The following RSRC1 variants were observed in gnomAD, a reference collection of about 807,000 sequenced individuals.
RSRC1 encodes the protein serine/Arginine-related protein 53.
Under a neutral mutation model 49.1 loss-of-function variants are expected in RSRC1, and 39 were observed. That is an observed-to-expected ratio of 0.79 (90% CI 0.61 to 1.04). The LOEUF is 1.04. Ranked by LOEUF, RSRC1 falls within the 50% of genes least tolerant of loss-of-function variation. The probability of loss-of-function intolerance (pLI) is 0.00; values close to 1 mark genes in which losing one functional copy is unlikely to be tolerated. For missense variants in RSRC1, 388 were observed against 402.4 expected, an observed-to-expected ratio of 0.96 and a Z score of 0.31; for synonymous variants, 143 against 130.8, an observed-to-expected ratio of 1.09 and a Z score of -0.63.
intron 6 of RSRC1, among the ~76,000 whole-genome samples, chr3:158,422,047 G>A (rs1322126664): frequency 7.2e-5 from 10 of 139,480 alleles, no homozygotes; most frequent in East Asian, 6.4e-4. Flanking sequence ...AAACTAAGTC[G>A]GGAGAAGTTT....
intron 4 of RSRC1, among the ~76,000 whole-genome samples, chr3:158,228,942 AT>A (rs1296878622): frequency 6.9e-6 from 1 of 144,172 alleles, no homozygotes; most frequent in African/African-American, 2.6e-5. Flanking sequence ...ACATACGTGT[AT>A]ATGTGTGTAT....
intron 7 of RSRC1, among the ~76,000 whole-genome samples, chr3:158,510,864 T>C (rs1463758936): frequency 2.0e-5 from 3 of 152,190 alleles, no homozygotes; most frequent in Non-Finnish European, 4.4e-5. Context: ...TTCTTCCATA[T>C]GAATCAGTTT....
At chr3:158,413,894 A>C (rs868163018) in intron 6 of RSRC1, among the ~76,000 whole-genome samples, 2 of 152,206 alleles carry the variant, frequency 1.3e-5, no homozygotes, top group Non-Finnish European at 2.9e-5. Context: ...GTGGGAATGT[A>C]AATTAGTTCA....
At chr3:158,236,257 A>T (rs1723245148) in intron 4 of RSRC1, among the ~76,000 whole-genome samples, 1 of 152,118 alleles carries the variant, frequency 6.6e-6, no homozygotes, top group East Asian at 1.9e-4. Flanking sequence ...TACCCTTCTC[A>T]TTTGTTATTT....
In RSRC1 at chr3:158,487,949, G is replaced by GAAAAAAA. The variant is rs58689210; in HGVS notation, c.652+26965_652+26971dup. Among the ~76,000 whole-genome samples the GAAAAAAA allele has an allele frequency of 5.1e-3, 146 of 28,910 alleles. 6 individuals carry two copies. Among genetic ancestry groups the GAAAAAAA allele is most frequent in the African/African-American group, 8.4e-3 (63 of 7,480 alleles). 19.0% of individuals were successfully genotyped at this position (28,910 alleles called of 152,430 possible). On this transcript the variant is annotated intron_variant, in intron 7 of 9. Coordinates refer to ENST00000611884, the MANE Select transcript of RSRC1 (RefSeq NM_001271838.2). ...TAGGAGACAAGAGACTCCATCTCAA[G>GAAAAAAA]AAAAAAAAAAAAAAAAAAAAAAAAA...
chr3:158,457,102 T>A (rs1185559896), intron 6 of RSRC1, among the ~76,000 whole-genome samples: 4 of 152,200 alleles, frequency 2.6e-5, no homozygotes, highest in African/African-American at 9.7e-5. Context: ...CTAAACATGT[T>A]CCTCATTCTG....
intron 7 of RSRC1, among the ~76,000 whole-genome samples, chr3:158,476,327 T>A (rs1738366102): frequency 6.6e-6 from 1 of 152,196 alleles, no homozygotes; most frequent in Non-Finnish European, 1.5e-5. Flanking sequence ...AAGGCAGCTA[T>A]GCTAAACAAC....
chr3:158,350,400 G>T (rs1730807290), intron 5 of RSRC1, among the ~76,000 whole-genome samples: 2 of 150,912 alleles, frequency 1.3e-5, no homozygotes, highest in Admixed American at 1.3e-4. Context: ...TCTCGAACTT[G>T]TGAGCTCAAG....
rs141560483 is a variant in RSRC1 at position 158,112,946 on chromosome 3, C to T, written c.-3+2723C>T. ...TTGATGAGTATAATGGCTTCCAGCT[C>T]CATCCATGTCCGTGCAAATGATGAT... On this transcript the variant is annotated intron_variant, in intron 1 of 9. Transcript: ENST00000611884. Among the ~76,000 whole-genome samples, 664 of 152,244 alleles carry T rather than the reference C, an allele frequency of 4.4e-3. 4 individuals are homozygous for T. Among genetic ancestry groups the T allele is most frequent in the African/African-American group, 0.015 (641 of 41,534 alleles).
At chr3:158,132,135 C>T (rs192097402) in intron 3 of RSRC1, 10 of 450,374 alleles carry the variant, frequency 2.2e-5, no homozygotes, top group African/African-American at 4.0e-5. Flanking sequence ...AGGTACACAC[C>T]GCCACACCCA....
intron 1 of RSRC1, chr3:158,110,488 A>G (rs113559197): frequency 6.6e-6 from 1 of 152,604 alleles, no homozygotes; most frequent in Admixed American, 6.5e-5. Context: ...TCTTGAGGAC[A>G]TGTCGGAGAG....
At chr3:158,254,532 C>T (rs1029087261) in intron 4 of RSRC1, among the ~76,000 whole-genome samples, 5 of 151,964 alleles carry the variant, frequency 3.3e-5, no homozygotes, top group African/African-American at 9.7e-5. Flanking sequence ...CCTGGGTTCA[C>T]GCCATTCTCC....
At chr3:158,392,873 A>G (rs1733395931) in intron 6 of RSRC1, among the ~76,000 whole-genome samples, 1 of 152,092 alleles carries the variant, frequency 6.6e-6, no homozygotes, top group Admixed American at 6.6e-5. Flanking sequence ...ACAACCAAAT[A>G]TACATTCTTC....
intron 7 of RSRC1, among the ~76,000 whole-genome samples, chr3:158,511,639 G>A (rs1740183966): frequency 6.6e-6 from 1 of 152,160 alleles, no homozygotes; most frequent in Non-Finnish European, 1.5e-5. Context: ...TATATACCCA[G>A]TAATAGGATG....
At chr3:158,520,361 T>C (rs1468470486) in intron 7 of RSRC1, among the ~76,000 whole-genome samples, 2 of 152,146 alleles carry the variant, frequency 1.3e-5, no homozygotes, top group African/African-American at 4.8e-5. Flanking sequence ...TAAACTTGTC[T>C]TATTTAGAAG....
At chr3:158,285,100 C>A (rs1726436260) in intron 4 of RSRC1, among the ~76,000 whole-genome samples, 1 of 152,098 alleles carries the variant, frequency 6.6e-6, no homozygotes, top group Non-Finnish European at 1.5e-5. Flanking sequence ...CCAGTTTCAG[C>A]TTTCTACATA....
intron 9 of RSRC1, 55 bp downstream of exon 9, chr3:158,543,542 T>A: frequency 6.5e-7 from 1 of 1,527,262 alleles, no homozygotes. Context: ...CTGAAATTAT[T>A]TCAATCTGTT....
At chr3:158,469,475 A>G (rs746237972) in intron 7 of RSRC1, 5 of 351,558 alleles carry the variant, frequency 1.4e-5, no homozygotes, top group Non-Finnish European at 2.2e-5. Flanking sequence ...GTCTTATACT[A>G]TACTTCACCA....
chr3:158,298,299 A>G (rs1727353786), intron 5 of RSRC1, among the ~76,000 whole-genome samples: 1 of 152,076 alleles, frequency 6.6e-6, no homozygotes, highest in Non-Finnish European at 1.5e-5. Context: ...TAGAGATGAA[A>G]TAAAATGGAT....
Sources: gnomAD v4.1 joint callset for allele counts (sites outside exome capture counted in the v4.1 genomes callset) on GRCh38, gnomAD v4.1.1 for gene constraint, MANE v1.5 for transcripts, NCBI Gene and HGNC (gene_info 2026-07-23, HGNC 2026-07-21) for gene names.